Variants in UIMC1 observed in about 807,000 individuals in gnomAD.
UIMC1 encodes BRCA1-A complex subunit RAP80.
In UIMC1, 42 loss-of-function variants were observed where a neutral mutation model predicts 84.9. The observed-to-expected ratio is 0.49, with a 90% CI of 0.39 to 0.64. The LOEUF is 0.64. Ranked by LOEUF, UIMC1 falls within the 30% of genes least tolerant of loss-of-function variation. The probability of loss-of-function intolerance (pLI) is 0.00; values close to 1 mark genes in which losing one functional copy is unlikely to be tolerated. For synonymous variants in UIMC1, 281 were observed against 293.0 expected (o/e 0.96, Z 0.42); for missense variants, 825 against 847.6 (o/e 0.97, Z 0.33).
At chr5:176,958,188 G>A (rs1171594934) in intron 6 of UIMC1, 34 bp from the exon 7 acceptor site, 3 of 1,574,020 alleles carry the variant, frequency 1.9e-6, no homozygotes, top group Non-Finnish European at 2.6e-6. Flanking sequence ...TAAATATACA[G>A]GCACAGGTGA....
chr5:176,949,384 T>C (rs1196885843), intron 9 of UIMC1, among the ~76,000 whole-genome samples: 1 of 152,228 alleles, frequency 6.6e-6, no homozygotes, highest in East Asian at 1.9e-4. Context: ...TTCATGCTCT[T>C]TGACCCAAAG....
At chr5:176,931,799 A>C (rs960909663) in intron 10 of UIMC1, among the ~76,000 whole-genome samples, 1 of 152,122 alleles carries the variant, frequency 6.6e-6, no homozygotes, top group Non-Finnish European at 1.5e-5. Flanking sequence ...AGCCTGGCCA[A>C]GATAGTGAAA....
chr5:177,003,929 G>C (rs1774905752), intron 1 of UIMC1, among the ~76,000 whole-genome samples: 1 of 152,104 alleles, frequency 6.6e-6, no homozygotes. Context: ...CCCAGGATCA[G>C]GCAATTCTCC....
chr5:176,945,722 C>T (rs539811800), intron 9 of UIMC1, among the ~76,000 whole-genome samples: 19 of 152,302 alleles, frequency 1.2e-4, no homozygotes, highest in African/African-American at 2.4e-4. Flanking sequence ...GCCACAGCTC[C>T]GCTAGGCCTC....
intron 8 of UIMC1, among the ~76,000 whole-genome samples, chr5:176,952,569 C>T (rs990881438): frequency 3.3e-5 from 5 of 152,128 alleles, no homozygotes; most frequent in Non-Finnish European, 5.9e-5. Context: ...CTAAAATGGC[C>T]GAACCAAATA....
At chr5:176,945,111 C>T (rs1427891544) in intron 9 of UIMC1, among the ~76,000 whole-genome samples, 1 of 152,202 alleles carries the variant, frequency 6.6e-6, no homozygotes, top group Non-Finnish European at 1.5e-5. Flanking sequence ...AGCCTCTTCC[C>T]ATTCCACCTT....
At chr5:176,990,524 A>G (rs1286265951) in intron 1 of UIMC1, among the ~76,000 whole-genome samples, 1 of 152,146 alleles carries the variant, frequency 6.6e-6, no homozygotes, top group African/African-American at 2.4e-5. Context: ...CACAAATAAG[A>G]TGACATATTT....
chr5:176,981,071 T>C (rs1233878906), intron 2 of UIMC1, among the ~76,000 whole-genome samples: 1 of 152,108 alleles, frequency 6.6e-6, no homozygotes, highest in Non-Finnish European at 1.5e-5. Context: ...TATACGCTTA[T>C]GCCTTTAAAA....
intron 10 of UIMC1, among the ~76,000 whole-genome samples, chr5:176,911,888 T>C (rs1760262236): frequency 6.6e-6 from 1 of 152,238 alleles, no homozygotes; most frequent in African/African-American, 2.4e-5. Flanking sequence ...CTTTCCTCAC[T>C]ACACTAATAC....
At chr5:176,946,479 T>C (rs897972816) in intron 9 of UIMC1, among the ~76,000 whole-genome samples, 4 of 151,726 alleles carry the variant, frequency 2.6e-5, no homozygotes, top group Non-Finnish European at 5.9e-5. Flanking sequence ...GCCACTGCAC[T>C]CCAGCCTGGG....
At chr5:176,985,636 G>A (rs987335118) in intron 1 of UIMC1, among the ~76,000 whole-genome samples, 1 of 151,570 alleles carries the variant, frequency 6.6e-6, no homozygotes, top group Admixed American at 6.6e-5. Flanking sequence ...ACAAGGTCTC[G>A]CTCTGTCACC....
intron 2 of UIMC1, 145 bp from the exon 3 acceptor site, chr5:176,975,625 T>C: frequency 1.4e-6 from 1 of 726,672 alleles, no homozygotes; most frequent in East Asian, 2.7e-5. Context: ...GAAGATCCTT[T>C]TCAGTACAAA....
At chr5:176,951,448 G>C in intron 9 of UIMC1, 26 bp downstream of exon 9, 1 of 1,478,116 alleles carries the variant, frequency 6.8e-7, no homozygotes, top group Non-Finnish European at 9.0e-7. Flanking sequence ...AAACCACTGA[G>C]AAAAAATATA....
At chr5:176,964,263 T>G (rs1767971977) in intron 6 of UIMC1, among the ~76,000 whole-genome samples, 1 of 152,226 alleles carries the variant, frequency 6.6e-6, no homozygotes, top group Non-Finnish European at 1.5e-5. Context: ...AGGACCTACA[T>G]TATTTGCCTA....
chr5:176,927,119 T>G (rs1218152419), intron 10 of UIMC1, among the ~76,000 whole-genome samples: 1 of 151,642 alleles, frequency 6.6e-6, no homozygotes, highest in Non-Finnish European at 1.5e-5. Flanking sequence ...TCCCAACACT[T>G]TGGGAGGCCA....
intron 6 of UIMC1, among the ~76,000 whole-genome samples, chr5:176,961,672 G>C (rs1276800329): frequency 5.4e-3 from 40 of 7,364 alleles, no homozygotes; most frequent in South Asian, 8.8e-3. Context: ...CCAGCCGCCC[G>C]GTCCGGGAGG....
intron 3 of UIMC1, 59 bp downstream of exon 3, chr5:176,975,337 T>C (rs1769893287): frequency 6.5e-7 from 1 of 1,536,526 alleles, no homozygotes; most frequent in East Asian, 2.3e-5. Flanking sequence ...TAGTCCAAAA[T>C]GTATCAGTTC....
chr5:176,926,158 T>G (rs1762365063), intron 10 of UIMC1, among the ~76,000 whole-genome samples: 1 of 152,006 alleles, frequency 6.6e-6, no homozygotes, highest in African/African-American at 2.4e-5. Context: ...TAAAGAGATA[T>G]GACTAGATGC....
intron 1 of UIMC1, among the ~76,000 whole-genome samples, chr5:176,989,671 A>G (rs1011970424): frequency 6.6e-6 from 1 of 152,106 alleles, no homozygotes; most frequent in Non-Finnish European, 1.5e-5. Context: ...AAAAAAAGAA[A>G]TATACTTTTA....
Sources: gnomAD v4.1 joint callset for allele counts (sites outside exome capture counted in the v4.1 genomes callset) on GRCh38, gnomAD v4.1.1 for gene constraint, MANE v1.5 for transcripts, NCBI Gene and HGNC (gene_info 2026-07-23, HGNC 2026-07-21) for gene names.